The following SMC6 variants were observed in gnomAD, a reference collection of about 807,000 sequenced individuals.
SMC6 encodes the protein structural maintenance of chromosomes 6, also known as structural maintenance of chromosomes protein 6.
In SMC6, 79 loss-of-function variants were observed where a neutral mutation model predicts 142.2. That is an observed-to-expected ratio of 0.56 (90% CI 0.46 to 0.67). The LOEUF is 0.67. Among genes scored for constraint, SMC6 ranks in the 30% least tolerant of loss-of-function variants. The pLI is 0.00. For synonymous variants in SMC6, 411 were observed against 412.4 expected (o/e 1.00, Z 0.04); for missense variants, 1,072 against 1,284.0 (o/e 0.83, Z 2.52).
At chr2:17,687,176 C>T (rs991092094) in intron 23 of SMC6, among the ~76,000 whole-genome samples, 8 of 152,196 alleles carry the variant, frequency 5.3e-5, no homozygotes, top group Admixed American at 3.3e-4. Context: ...ATTTATGCTT[C>T]AAACTAGTAA....
chr2:17,713,695 C>T (rs1304520640), intron 16 of SMC6: 1 of 316,936 alleles, frequency 3.2e-6, no homozygotes, highest in Admixed American at 4.5e-5. Context: ...CTCTTGCATT[C>T]AATTAACAAA....
At chr2:17,698,974 C>T (rs775693823) in intron 21 of SMC6, among the ~76,000 whole-genome samples, 98 of 152,024 alleles carry the variant, frequency 6.4e-4, no homozygotes, top group Non-Finnish European at 1.1e-3. Context: ...TTTCTTTTCC[C>T]CATTTTAAAT....
chr2:17,677,383 A>G (rs1025756020), intron 25 of SMC6, among the ~76,000 whole-genome samples: 4 of 152,130 alleles, frequency 2.6e-5, no homozygotes, highest in Admixed American at 2.6e-4. Context: ...GAACTCAGGA[A>G]TTGACTAACT....
chr2:17,707,115 A>T, intron 18 of SMC6, 104 bp downstream of exon 18: 1 of 850,462 alleles, frequency 1.2e-6, no homozygotes, highest in Non-Finnish European at 1.7e-6. Context: ...GAGATAGATT[A>T]CTCACGTCCT....
intron 4 of SMC6, chr2:17,740,640 A>G (rs1670397735): frequency 2.6e-6 from 1 of 378,732 alleles, no homozygotes; most frequent in Non-Finnish European, 5.2e-6. Context: ...GGATCACTTG[A>G]GCTCAGGAGT....
chr2:17,671,371 T>A (rs997818030), intron 25 of SMC6, among the ~76,000 whole-genome samples: 30 of 3,798 alleles, frequency 7.9e-3, no homozygotes, highest in African/African-American at 0.033. Flanking sequence ...GCTTTAGGAA[T>A]CCTTTAAAGG....
chr2:17,721,417 T>C (rs952118920), intron 9 of SMC6, among the ~76,000 whole-genome samples, 156 bp from the exon 10 acceptor site: 2 of 152,222 alleles, frequency 1.3e-5, no homozygotes, highest in Admixed American at 6.5e-5. Context: ...CTTGATTCTT[T>C]GGTATACTTT....
chr2:17,687,598 A>G (rs1199747205), intron 23 of SMC6, among the ~76,000 whole-genome samples: 1 of 152,218 alleles, frequency 6.6e-6, no homozygotes, highest in African/African-American at 2.4e-5. Context: ...AAAAAACATG[A>G]AAGATAGAAA....
At chr2:17,752,353 A>G (rs1402665765) in intron 2 of SMC6, among the ~76,000 whole-genome samples, 1 of 152,236 alleles carries the variant, frequency 6.6e-6, no homozygotes, top group Non-Finnish European at 1.5e-5. Context: ...GAATAATGAC[A>G]AGAACAAAAA....
intron 13 of SMC6, 81 bp downstream of exon 13, chr2:17,717,007 T>A: frequency 6.6e-7 from 1 of 1,517,282 alleles, no homozygotes; most frequent in Non-Finnish European, 8.9e-7. Flanking sequence ...CAACAATACA[T>A]AAAATATAAT....
chr2:17,741,334 G>A (rs369890589), intron 4 of SMC6, among the ~76,000 whole-genome samples: 2 of 152,140 alleles, frequency 1.3e-5, no homozygotes, highest in Admixed American at 6.5e-5. Flanking sequence ...AATGAGGATC[G>A]CTTGTCTACC....
Position 17,700,220 on chromosome 2 carries a change from T to C in SMC6, c.2382A>G (p.Ala794=). The C allele has an allele frequency of 6.2e-7, 1 of 1,601,894 alleles. No individual in the cohort carries two copies. The highest frequency in any genetic ancestry group is 8.5e-7 in the Non-Finnish European group (1 of 1,174,430). ...KFKINQLSEL[A]DPLKDELNLA... ...CAAAAATATATACCTTAAGTGGGTC[T>C]GCTAGCTCCGATAGTTGATTAATTT... The change falls in exon 21 of 28, where the codon GCA becomes GCG. Residue 794 remains alanine (A), a synonymous_variant. Coordinates refer to ENST00000448223, the MANE Select transcript of SMC6 (RefSeq NM_001142286.2).
intron 18 of SMC6, among the ~76,000 whole-genome samples, chr2:17,704,073 G>A (rs2124948195): frequency 6.6e-6 from 1 of 151,032 alleles, no homozygotes; most frequent in East Asian, 2.0e-4. Context: ...GTAGACAGAA[G>A]TAGAAACAGA....
In SMC6 at chr2:17,708,726, T is replaced by A; in HGVS notation, c.1758A>T (p.Thr586=). The change falls in exon 17 of 28, where the codon ACA becomes ACT. Residue 586 remains threonine (T), a synonymous_variant. Coordinates refer to ENST00000448223, the MANE Select transcript of SMC6 (RefSeq NM_001142286.2). ...HRAAYHPDFP[T]VLTALEIDNA... ...TATCTATTTCTAAAGCTGTCAGAAC[T>A]GTTGGAAAGTCTGGATGATAAGCAG... The A allele has an allele frequency of 6.5e-7, 1 of 1,543,256 alleles. No individual in the cohort carries two copies. Among genetic ancestry groups the A allele is most frequent in the Non-Finnish European group, 8.7e-7 (1 of 1,143,126 alleles).
chr2:17,741,529 A>T, intron 4 of SMC6, 83 bp downstream of exon 4: 1 of 784,352 alleles, frequency 1.3e-6, no homozygotes, highest in Middle Eastern at 2.5e-4. Context: ...TATTAGCACT[A>T]ATAGTCACCT....
At chr2:17,753,115 G>T in intron 1 of SMC6, 51 bp from the exon 2 acceptor site, 1 of 690,484 alleles carries the variant, frequency 1.4e-6, no homozygotes, top group Non-Finnish European at 1.8e-6. Flanking sequence ...TTGAACACAT[G>T]TTAATTTTTC....
At chr2:17,721,638 AG>A (rs1572329183) in intron 9 of SMC6, among the ~76,000 whole-genome samples, 2 of 152,140 alleles carry the variant, frequency 1.3e-5, no homozygotes, top group East Asian at 1.9e-4. Flanking sequence ...AGAGAATGTA[AG>A]GATGAGAAGA....
Position 17,720,815 on chromosome 2 carries a change from C to A in SMC6, c.945+125G>T, listed in dbSNP as rs16983797. On this transcript the variant is annotated intron_variant, in intron 11 of 27. Transcript: ENST00000448223. ...CAAGCTTAGGTCTATTTCACCTAAG[C>A]AATCAATTCAAATATAGACAAATAT... 5.5e-3 allele frequency: 4,304 copies of A among 782,860 alleles called. 137 individuals carry two copies. In the African/African-American group the frequency reaches 0.068, roughly 12 times the overall value. The allele number at this position is 782,860 out of a possible 1,614,324, so 48.5% of individuals were successfully genotyped here.
At chr2:17,713,236 T>C in intron 16 of SMC6, 1 of 304,866 alleles carries the variant, frequency 3.3e-6, no homozygotes, top group Non-Finnish European at 6.5e-6. Context: ...ACATTATTAG[T>C]GAAAAATCCT....
Sources: allele counts gnomAD v4.1 joint callset (sites outside exome capture counted in the v4.1 genomes callset), GRCh38; gene constraint gnomAD v4.1.1; transcripts MANE v1.5; gene names NCBI Gene and HGNC (gene_info 2026-07-23, HGNC 2026-07-21).